The following VWA8 variants were observed in gnomAD, a reference collection of about 807,000 sequenced individuals.
VWA8 encodes the protein von Willebrand factor A domain-containing protein 8.
Under a neutral mutation model 241.5 loss-of-function variants are expected in VWA8, and 221 were observed. The observed-to-expected ratio is 0.91, with a 90% CI of 0.82 to 1.02. The LOEUF (loss-of-function observed/expected upper bound fraction) is 1.02. Ranked by LOEUF, VWA8 falls within the 50% of genes least tolerant of loss-of-function variation. The pLI, the probability that VWA8 is intolerant of heterozygous loss-of-function variation, is 0.00. For synonymous variants in VWA8, 852 were observed against 827.1 expected (o/e 1.03, Z -0.52); for missense variants, 2,322 against 2,328.7 (o/e 1.00, Z 0.06).
At chr13:41,660,929 G>A (rs1298688030) in intron 37 of VWA8, among the ~76,000 whole-genome samples, 2 of 150,544 alleles carry the variant, frequency 1.3e-5, no homozygotes, top group African/African-American at 2.4e-5. Context: ...AGGTTGGCAC[G>A]ATTTCGGCTC....
intron 12 of VWA8, among the ~76,000 whole-genome samples, chr13:41,834,361 C>T (rs947188821): frequency 1.3e-5 from 2 of 152,180 alleles, no homozygotes; most frequent in Non-Finnish European, 1.5e-5. Context: ...AAGTTAAACA[C>T]ATTTACAGTC....
chr13:41,947,290 G>A (rs1444044296), intron 2 of VWA8, among the ~76,000 whole-genome samples: 1 of 152,186 alleles, frequency 6.6e-6, no homozygotes, highest in East Asian at 1.9e-4. Flanking sequence ...TGAACAAAAA[G>A]CTATTCTATA....
intron 44 of VWA8, 94 bp from the exon 45 acceptor site, chr13:41,568,399 T>A (rs779124201): frequency 2.3e-5 from 22 of 976,414 alleles, no homozygotes; most frequent in Non-Finnish European, 3.3e-5. Context: ...AATGGTTTCT[T>A]AGGAAAGGAA....
intron 2 of VWA8, among the ~76,000 whole-genome samples, chr13:41,913,575 C>T (rs955799186): frequency 7.2e-5 from 11 of 152,162 alleles, no homozygotes; most frequent in African/African-American, 2.4e-4. Context: ...CCTCTGACAG[C>T]ACAATATTGT....
intron 26 of VWA8, among the ~76,000 whole-genome samples, chr13:41,705,739 A>C (rs1420711943): frequency 6.6e-6 from 1 of 152,180 alleles, no homozygotes; most frequent in African/African-American, 2.4e-5. Context: ...AATGATCTGT[A>C]AAGTTCCTTA....
intron 42 of VWA8, among the ~76,000 whole-genome samples, chr13:41,582,910 A>G (rs1217350683): frequency 6.6e-6 from 1 of 152,124 alleles, no homozygotes; most frequent in African/African-American, 2.4e-5. Context: ...TACCTGTTAC[A>G]CTTTCTGCTG....
chr13:41,767,731 A>C (rs1245952784), intron 20 of VWA8, among the ~76,000 whole-genome samples: 1 of 152,192 alleles, frequency 6.6e-6, no homozygotes, highest in Non-Finnish European at 1.5e-5. Flanking sequence ...CCCTATCAAA[A>C]TCATAACCTC....
intron 10 of VWA8, among the ~76,000 whole-genome samples, chr13:41,867,853 G>A (rs1322326932): frequency 6.6e-6 from 1 of 152,026 alleles, no homozygotes; most frequent in Non-Finnish European, 1.5e-5. Flanking sequence ...CATAAAATGT[G>A]TGTATATATA....
At chr13:41,660,563 C>T (rs2044942617) in intron 37 of VWA8, among the ~76,000 whole-genome samples, 1 of 152,186 alleles carries the variant, frequency 6.6e-6, no homozygotes, top group African/African-American at 2.4e-5. Flanking sequence ...TGAGGACTCC[C>T]AAGAGTCCCA....
chr13:41,621,424 AT>A (rs2044656539), intron 37 of VWA8, among the ~76,000 whole-genome samples: 1 of 152,232 alleles, frequency 6.6e-6, no homozygotes. Flanking sequence ...GTTTGCTTAT[AT>A]GCGTTAAGAC....
At chr13:41,883,098 T>G (rs1203107122) in intron 9 of VWA8, among the ~76,000 whole-genome samples, 1 of 152,200 alleles carries the variant, frequency 6.6e-6, no homozygotes, top group African/African-American at 2.4e-5. Flanking sequence ...CTTATTATCC[T>G]TAATATATTC....
At chr13:41,584,645 G>A (rs2044405116) in intron 42 of VWA8, among the ~76,000 whole-genome samples, 1 of 152,122 alleles carries the variant, frequency 6.6e-6, no homozygotes, top group Admixed American at 6.5e-5. Flanking sequence ...CCATTAACGT[G>A]CTTCTTGTTA....
intron 37 of VWA8, among the ~76,000 whole-genome samples, chr13:41,665,130 T>C (rs1382045815): frequency 6.6e-6 from 1 of 152,160 alleles, no homozygotes; most frequent in Non-Finnish European, 1.5e-5. Context: ...GGATCATAAG[T>C]TAATATTAGG....
intron 12 of VWA8, among the ~76,000 whole-genome samples, chr13:41,846,215 T>C (rs116803664): frequency 6.4e-4 from 97 of 152,258 alleles, no homozygotes; most frequent in African/African-American, 2.3e-3. Flanking sequence ...ATAAATTAGT[T>C]TCTAAAAGCA....
intron 16 of VWA8, among the ~76,000 whole-genome samples, chr13:41,812,506 T>A (rs576248832): frequency 6.6e-6 from 1 of 152,068 alleles, no homozygotes; most frequent in Non-Finnish European, 1.5e-5. Flanking sequence ...GAGGACTCTA[T>A]GAAATTAACA....
intron 2 of VWA8, among the ~76,000 whole-genome samples, chr13:41,932,480 G>A (rs144932715): frequency 3.3e-5 from 5 of 151,954 alleles, no homozygotes; most frequent in Admixed American, 6.6e-5. Flanking sequence ...CCCTCATATC[G>A]AAATCTGACA....
intron 30 of VWA8, 105 bp from the exon 31 acceptor site, chr13:41,692,043 A>G: frequency 1.4e-6 from 1 of 690,222 alleles, no homozygotes; most frequent in Non-Finnish European, 2.5e-6. Context: ...CAACTAGTAA[A>G]ACATGTAATT....
chr13:41,830,027 G>A (rs1374296478), intron 14 of VWA8, among the ~76,000 whole-genome samples: 2 of 152,120 alleles, frequency 1.3e-5, no homozygotes, highest in Admixed American at 6.5e-5. Context: ...CGGATCACGA[G>A]GTCAGGAGAT....
intron 26 of VWA8, 83 bp downstream of exon 26, chr13:41,719,508 T>A: frequency 1.9e-6 from 3 of 1,594,878 alleles, no homozygotes; most frequent in Non-Finnish European, 2.6e-6. Flanking sequence ...GTAATTTCCA[T>A]AGCAACTCAG....
Sources: allele counts gnomAD v4.1 joint callset (sites outside exome capture counted in the v4.1 genomes callset), GRCh38; gene constraint gnomAD v4.1.1; transcripts MANE v1.5; gene names NCBI Gene and HGNC (gene_info 2026-07-23, HGNC 2026-07-21).